NFS1: variants seen among roughly 807,000 people sequenced by gnomAD.
NFS1 encodes cysteine desulfurase.
A neutral mutation model predicts 57.3 loss-of-function variants in NFS1; 26 were observed. That is an observed-to-expected ratio of 0.45 (90% CI 0.33 to 0.63). The LOEUF is 0.63. NFS1 is among the 20% of genes least tolerant of loss of function. The pLI is 0.02. For missense variants in NFS1, 505 were observed against 605.8 expected, an observed-to-expected ratio of 0.83 and a Z score of 1.75; for synonymous variants, 209 against 216.3, an observed-to-expected ratio of 0.97 and a Z score of 0.30.
At chr20:35,689,109 G>C (rs1029390388) in intron 5 of NFS1, among the ~76,000 whole-genome samples, 3 of 152,198 alleles carry the variant, frequency 2.0e-5, no homozygotes, top group Non-Finnish European at 4.4e-5. Context: ...CCAGAGCTTT[G>C]CCATGGTGAA....
At position 35,672,881 on chromosome 20, in the gene NFS1, G is replaced by C. The variant is rs764532521; in HGVS notation, c.1221-37C>G. On this transcript the variant is annotated intron_variant, in intron 11 of 12. Coordinates refer to ENST00000374092, the MANE Select transcript of NFS1 (RefSeq NM_021100.5). Reference sequence around the variant, plus strand: ...CACAGGAGAATGGCTCCCCATCAGAGCTCTGGCACTGGGATAAATTCATTC... The same window carrying C: ...CACAGGAGAATGGCTCCCCATCAGACCTCTGGCACTGGGATAAATTCATTC... The C allele has an allele frequency of 3.2e-6, 4 of 1,243,332 alleles. No homozygotes were observed. In the African/African-American group the frequency reaches 4.5e-5, roughly 14 times the overall value. 77.0% of individuals were successfully genotyped at this position (1,243,332 alleles called of 1,614,324 possible).
chr20:35,698,612 T>A (rs1255489363), intron 1 of NFS1, 22 bp from the exon 2 acceptor site: 1 of 1,575,470 alleles, frequency 6.3e-7, no homozygotes, highest in Non-Finnish European at 8.6e-7. Flanking sequence ...TGGAACGGAG[T>A]AGCCAAGTAA....
intron 7 of NFS1, among the ~76,000 whole-genome samples, chr20:35,678,518 G>A (rs1243757110): frequency 7.7e-6 from 1 of 130,390 alleles, no homozygotes; most frequent in Non-Finnish European, 1.6e-5. Flanking sequence ...ACAAGAGCGA[G>A]ACTTTGTCTC....
At chr20:35,682,986 G>C (rs937441110) in intron 5 of NFS1, among the ~76,000 whole-genome samples, 2 of 151,774 alleles carry the variant, frequency 1.3e-5, no homozygotes, top group African/African-American at 4.8e-5. Context: ...ACTGAGGCAG[G>C]GGAATGGCGT....
chr20:35,699,317 A>G lies in NFS1; in HGVS notation c.-29T>C. ...CCCGCTGGCAGAGCCCACCTTCCGA[A>G]GCCGCTGCAGTCCTGGGCCCCAGGC... is the stretch of plus-strand genomic sequence containing the variant. On this transcript the variant is annotated 5_prime_UTR_variant, in exon 1 of 13. Transcript: ENST00000374092. This position sits in a 1 kb window ranked among gnomAD's most constrained non-coding sequence, Gnocchi z 4.4. The G allele has an allele frequency of 7.2e-7, 1 of 1,395,480 alleles. No homozygotes were observed. Among genetic ancestry groups the G allele is most frequent in the East Asian group, 2.9e-5 (1 of 34,354 alleles). 86.4% of individuals were successfully genotyped at this position (1,395,480 alleles called of 1,614,324 possible).
In NFS1 at chr20:35,681,945, C is replaced by T. The variant is rs777756370; in HGVS notation, c.598G>A (p.Val200Met). 6.2e-7 allele frequency: 1 copy of T among 1,612,786 alleles called. No homozygotes were observed. The highest frequency in any genetic ancestry group is 2.2e-5 in the East Asian group (1 of 44,860). Residue 200 changes from valine (V) to methionine (M), a missense_variant, in exon 6 of 13, where the codon GTG (valine) becomes ATG (methionine). Physicochemically the swap from Val to Met is conservative, Grantham distance 21. Transcript: ENST00000374092. ...EAAIQPDTSL[V>M]SVMTVNNEIG... is the part of the protein sequence containing the mutation. ...TCATTGTTCACAGTCATGACTGACA[C>T]CAGGCTAGTATCTGGCTGGATAGCA...
rs1484322991 is a variant in NFS1, at chr20:35,669,636, A to G, written c.1360T>C (p.Trp454Arg). The change falls in exon 13 of 13, where the codon TGG (tryptophan) becomes CGG (arginine). Residue 454 changes from tryptophan (W) to arginine (R), a missense_variant. Coordinates refer to ENST00000374092, the MANE Select transcript of NFS1 (RefSeq NM_021100.5). ...GCCCTATTCTTCTAGTGTTGGGTCC[A>G]CTTGATGCTCTTGAGGTCAATGCCA... The part of the protein sequence containing the change: ...QDGIDLKSIK[W>R]TQH 6.2e-7 allele frequency: 1 copy of G among 1,614,086 alleles called. No homozygotes were observed. The highest frequency in any genetic ancestry group is 8.5e-7 in the Non-Finnish European group (1 of 1,179,954).
At chr20:35,692,521 C>A (rs1476173255) in intron 4 of NFS1, among the ~76,000 whole-genome samples, 1 of 97,966 alleles carries the variant, frequency 1.0e-5, no homozygotes, top group Non-Finnish European at 1.9e-5. Context: ...GCAACATCAT[C>A]TATACTAAAA....
chr20:35,680,968 C>T, intron 6 of NFS1, 97 bp from the exon 7 acceptor site: 1 of 1,064,574 alleles, frequency 9.4e-7, no homozygotes, highest in Non-Finnish European at 1.3e-6. Context: ...AGTAAATGAC[C>T]TGTAAATATT....
chr20:35,695,858 G>A (rs902630554), intron 4 of NFS1, among the ~76,000 whole-genome samples: 1 of 152,066 alleles, frequency 6.6e-6, no homozygotes. Flanking sequence ...TGGCCAATAT[G>A]GTGAAACCCC....
In NFS1 at chr20:35,697,878, C is replaced by T; in HGVS notation, c.208-78G>A. On this transcript the variant is annotated intron_variant, in intron 2 of 12. Coordinates refer to ENST00000374092, the MANE Select transcript of NFS1 (RefSeq NM_021100.5). ...CCACTCCACCCCTCAGACCTGGCCA[C>T]CCTGCCTTAAGACACTCTCAACCCC... 4 of 936,126 alleles carry T rather than the reference C, an allele frequency of 4.3e-6. 1 individual carries two copies. The Middle Eastern group carries it at 9.3e-4, about 218-fold the overall frequency. 58.0% of individuals were successfully genotyped at this position (936,126 alleles called of 1,614,324 possible). A position where few individuals can be genotyped will look rare whatever the true frequency, so the allele number is the denominator to read the frequency against.
Position 35,674,338 on chromosome 20 carries a change from C to A in NFS1, c.1136+12G>T. ...GCCCTGCCGCAGGCCCTGTCTATGC[C>A]GTCCAGCTCACCTCCCTGAGGATAA... On this transcript the variant is annotated intron_variant, in intron 10 of 12. Transcript: ENST00000374092. The A allele has an allele frequency of 6.2e-7, 1 of 1,612,328 alleles. No homozygotes were observed. The highest frequency in any genetic ancestry group is 1.1e-5 in the South Asian group (1 of 90,988).
intron 7 of NFS1, 156 bp from the exon 8 acceptor site, chr20:35,675,358 A>G (rs938842681): frequency 2.7e-6 from 2 of 732,726 alleles, no homozygotes; most frequent in Non-Finnish European, 4.5e-6. Context: ...AACAGCAGTA[A>G]AAGCATAGTA....
At chr20:35,687,366 A>G (rs2146429487) in intron 5 of NFS1, among the ~76,000 whole-genome samples, 1 of 152,240 alleles carries the variant, frequency 6.6e-6, no homozygotes, top group South Asian at 2.1e-4. Flanking sequence ...GAAAGTACTA[A>G]AAGTCTCTGA....
chr20:35,685,894 TAAAAC>T (rs2034932835), intron 5 of NFS1, among the ~76,000 whole-genome samples: 1 of 143,928 alleles, frequency 6.9e-6, no homozygotes, highest in Non-Finnish European at 1.5e-5. Context: ...AACACAGGGG[TAAAAC>T]TCCATGACCT....
At chr20:35,693,252 C>A (rs745522087) in intron 4 of NFS1, among the ~76,000 whole-genome samples, 1 of 151,864 alleles carries the variant, frequency 6.6e-6, no homozygotes, top group African/African-American at 2.4e-5. Flanking sequence ...ACAGCCACCA[C>A]ACCCAGCTAA....
In NFS1 at chr20:35,696,451, A is replaced by G; in HGVS notation, c.334T>C (p.Ser112Pro). The G allele has an allele frequency of 6.2e-7, 1 of 1,613,754 alleles. No homozygotes were observed. The highest frequency in any genetic ancestry group is 1.1e-5 in the South Asian group (1 of 91,072). ...TCACGAGGATCAGCTCCAATCAGAG[A>G]TGCTACTTGCTGCAAGCCAAGAAAC... Reference protein sequence around the residue: ...AMERARQQVASLIGADPREII... With the variant: ...AMERARQQVAPLIGADPREII... Residue 112 changes from serine to proline, a missense_variant, in exon 4 of 13, where the codon TCT becomes CCT. Physicochemically the swap from Ser to Pro is moderately conservative, Grantham distance 74. Transcript: ENST00000374092.
intron 11 of NFS1, among the ~76,000 whole-genome samples, chr20:35,673,337 C>G: frequency 6.6e-6 from 1 of 151,788 alleles, no homozygotes; most frequent in Admixed American, 6.6e-5. Context: ...TTAAAATCAC[C>G]TGAGATGTTT....
At chr20:35,678,854 G>A (rs563921660) in intron 7 of NFS1, among the ~76,000 whole-genome samples, 5 of 152,242 alleles carry the variant, frequency 3.3e-5, no homozygotes, top group African/African-American at 9.6e-5. Context: ...GTGAGACCTT[G>A]TCCCTATAAA....
Sources: gnomAD v4.1 joint callset for allele counts (sites outside exome capture counted in the v4.1 genomes callset) on GRCh38, gnomAD v4.1.1 for gene constraint, Gnocchi (gnomAD v3.1) non-coding constraint, MANE v1.5 for transcripts, NCBI Gene and HGNC (gene_info 2026-07-23, HGNC 2026-07-21) for gene names.